The following PARP9 variants were observed in gnomAD, a reference collection of about 807,000 sequenced individuals.
PARP9 encodes the protein protein mono-ADP-ribosyltransferase PARP9.
Under a neutral mutation model 68.8 loss-of-function variants are expected in PARP9, and 48 were observed. That is an observed-to-expected ratio of 0.70 (90% CI 0.55 to 0.89). The LOEUF (loss-of-function observed/expected upper bound fraction) is 0.89. Among genes scored for constraint, PARP9 ranks in the 40% least tolerant of loss-of-function variants. The pLI, the probability that PARP9 is intolerant of heterozygous loss-of-function variation, is 0.00. For missense variants in PARP9, 806 were observed against 969.3 expected (o/e 0.83, Z 2.24); for synonymous variants, 309 against 333.8 (o/e 0.93, Z 0.81).
At chr3:122,542,566 G>A (rs530618133) in intron 7 of PARP9, among the ~76,000 whole-genome samples, 7 of 151,960 alleles carry the variant, frequency 4.6e-5, no homozygotes, top group African/African-American at 7.2e-5. Context: ...TGCAGCCTCC[G>A]CCTCCTGGGT....
At chr3:122,539,289 C>T (rs1263177221) in intron 8 of PARP9, among the ~76,000 whole-genome samples, 1 of 152,142 alleles carries the variant, frequency 6.6e-6, no homozygotes, top group Non-Finnish European at 1.5e-5. Flanking sequence ...GGGTTAGGTG[C>T]CTCTCCGCAG....
chr3:122,552,608 T>C lies in PARP9; in HGVS notation c.917A>G (p.His306Arg). 6.2e-7 allele frequency: 1 copy of C among 1,613,358 alleles called. No individual in the cohort carries two copies. The highest frequency in any genetic ancestry group is 8.5e-7 in the Non-Finnish European group (1 of 1,179,332). ...TGCCACAGGTCCAACTGTAATATCA[T>C]GTGGGTTTACAGAATTAACAATTAC... ...ADVIVNSVNP[H>R]DITVGPVAKS... Residue 306 changes from histidine to arginine, a missense_variant, in exon 5 of 11, where the codon CAT (histidine) becomes CGT (arginine). Around this residue, in one of 2 missense-constraint regions of PARP9, gnomAD observed 680 missense variants for 858.8 expected, o/e 0.79. Coordinates refer to ENST00000682323, the MANE Select transcript of PARP9 (RefSeq NM_001146105.2).
rs2077074622 is a variant in PARP9, at chr3:122,528,379, G to T, written c.2445C>A (p.Gly815=). 6.2e-7 allele frequency: 1 copy of T among 1,613,238 alleles called. No homozygotes were observed. The highest frequency in any genetic ancestry group is 8.5e-7 in the Non-Finnish European group (1 of 1,179,336). Residue 815 remains glycine (G), a synonymous_variant, in exon 11 of 11, where the codon GGC becomes GGA. Coordinates refer to ENST00000682323, the MANE Select transcript of PARP9 (RefSeq NM_001146105.2). ...GATGTAGAGATTAATCAACAGGGCT[G>T]CCACTTGCGAATCCCCTCCAAGGAT... ...AQHPWRGFAS[G]SPVD
intron 2 of PARP9, 48 bp from the exon 3 acceptor site, chr3:122,558,515 T>C (rs2079906934): frequency 1.9e-6 from 3 of 1,604,040 alleles, no homozygotes; most frequent in Non-Finnish European, 2.6e-6. Flanking sequence ...GTGGAATGAC[T>C]ACAGCTTACT....
At position 122,545,600 on chromosome 3, in the gene PARP9, C is replaced by T. The variant is rs1454709780; in HGVS notation, c.1327-111G>A. The stretch of plus-strand genomic sequence containing the variant: ...TTGACTTCATCCACTCTGTCAGTCC[C>T]ATTCCTACTACCACAAATCTAAAGC... On this transcript the variant is annotated intron_variant, in intron 6 of 10. Transcript: ENST00000682323. 4 of 972,020 alleles carry T rather than the reference C, an allele frequency of 4.1e-6. No homozygotes were observed. The African/African-American group carries it at 6.4e-5, about 16-fold the overall frequency. The allele number at this position is 972,020 out of a possible 1,614,324, so 60.2% of individuals were successfully genotyped here.
chr3:122,536,387 G>A lies in PARP9; in HGVS notation c.1906-45C>T, dbSNP rs76986533. ...AGACTGAAAAAGAGGCTAGAGAACC[G>A]CTCTTTAAATTGCCTGCTATACTGC... On this transcript the variant is annotated intron_variant, in intron 9 of 10. Coordinates refer to ENST00000682323, the MANE Select transcript of PARP9 (RefSeq NM_001146105.2). 2,005 of 1,594,672 alleles carry A rather than the reference G, an allele frequency of 1.3e-3. 22 individuals are homozygous for A. The African/African-American group carries it at 0.025, about 20-fold the overall frequency.
At chr3:122,545,390 G>A (rs2078625223) in intron 7 of PARP9, 42 bp downstream of exon 7, 2 of 1,590,152 alleles carry the variant, frequency 1.3e-6, no homozygotes, top group African/African-American at 2.7e-5. Context: ...ATGAGCCAAT[G>A]GTGGGCGACC....
Position 122,555,570 on chromosome 3 carries a change from T to C in PARP9, c.601A>G (p.Ile201Val). The change falls in exon 4 of 11, where the codon ATT (isoleucine) becomes GTT (valine). Residue 201 changes from isoleucine to valine, a missense_variant. By Grantham distance (29) the Ile-to-Val change is conservative. Transcript: ENST00000682323. ...AAAATCCCAGAGCTCAAGGCTGGAA[T>C]TGCTACTGTCTTAATGTGAGTATTT... is the stretch of plus-strand genomic sequence containing the variant. ...YKNTHIKTVA[I>V]PALSSGIFQF... 6.2e-7 allele frequency: 1 copy of C among 1,614,192 alleles called. No homozygotes were observed. The highest frequency in any genetic ancestry group is 2.2e-5 in the East Asian group (1 of 44,890).
intron 8 of PARP9, among the ~76,000 whole-genome samples, chr3:122,539,529 T>TTCTC: frequency 6.0e-5 from 2 of 33,286 alleles, no homozygotes; most frequent in African/African-American, 8.9e-5. Context: ...CTTTCTTTCT[T>TTCTC]TCTTTCTTTC....
At chr3:122,558,313 G>T (rs9289198) in intron 3 of PARP9, 121 bp downstream of exon 3, 233,912 of 1,610,906 alleles carry the variant, frequency 0.15, 18,865 homozygotes, top group East Asian at 0.34. Flanking sequence ...CCCCACAAGG[G>T]TCTGCAGTCA....
intron 10 of PARP9, chr3:122,534,388 A>G (rs2077497503): frequency 2.0e-6 from 2 of 985,380 alleles, no homozygotes. Flanking sequence ...AGTGCAAAAT[A>G]AAGGTTTTAC....
chr3:122,545,239 T>C (rs112165878), intron 7 of PARP9, among the ~76,000 whole-genome samples, 193 bp downstream of exon 7: 7 of 152,334 alleles, frequency 4.6e-5, no homozygotes, highest in African/African-American at 1.4e-4. Flanking sequence ...CCTCTGTTCA[T>C]ATCATGAAAC....
chr3:122,536,825 T>C, intron 9 of PARP9, 109 bp downstream of exon 9: 1 of 1,314,144 alleles, frequency 7.6e-7, no homozygotes, highest in Non-Finnish European at 1.1e-6. Flanking sequence ...GGATTCCAAG[T>C]CCATGAGCAG....
intron 1 of PARP9, among the ~76,000 whole-genome samples, chr3:122,561,917 A>G (rs887225450): frequency 6.6e-6 from 1 of 152,098 alleles, no homozygotes; most frequent in South Asian, 2.1e-4. Context: ...CTGGTCCCCA[A>G]TCCTCCATCC....
chr3:122,531,236 C>A (rs1454719778), intron 10 of PARP9, among the ~76,000 whole-genome samples: 1 of 152,106 alleles, frequency 6.6e-6, no homozygotes, highest in African/African-American at 2.4e-5. Context: ...AAGATATGAT[C>A]CCTATTCTCA....
At chr3:122,562,156 C>CTCTTTTCTTTTCTTT (rs11276615) in intron 1 of PARP9, among the ~76,000 whole-genome samples, 1,597 of 141,242 alleles carry the variant, frequency 0.011, 29 homozygotes, top group African/African-American at 0.026. Flanking sequence ...TGGCAATATA[C>CTCTTTTCTTTTCTTT]TCTTTTCTTT....
At chr3:122,548,620 T>C (rs2107666837) in intron 6 of PARP9, among the ~76,000 whole-genome samples, 1 of 152,308 alleles carries the variant, frequency 6.6e-6, no homozygotes, top group South Asian at 2.1e-4. Flanking sequence ...ATATACTAAT[T>C]ATGCTGAAAA....
intron 10 of PARP9, chr3:122,532,354 G>T: frequency 1.0e-6 from 1 of 985,240 alleles, no homozygotes; most frequent in Non-Finnish European, 1.2e-6. Flanking sequence ...GGTTTATCAA[G>T]CAGAGGACAA....
intron 4 of PARP9, among the ~76,000 whole-genome samples, chr3:122,554,240 C>T (rs1318887116): frequency 6.6e-6 from 1 of 151,924 alleles, no homozygotes; most frequent in East Asian, 1.9e-4. Flanking sequence ...CCAATCATAC[C>T]CATCGAAACT....
Sources: gnomAD v4.1 joint callset for allele counts (sites outside exome capture counted in the v4.1 genomes callset) on GRCh38, gnomAD v4.1.1 for gene constraint, gnomAD v4.1.1 regional missense constraint, MANE v1.5 for transcripts, NCBI Gene and HGNC (gene_info 2026-07-23, HGNC 2026-07-21) for gene names.